DIPK2A: variants seen among roughly 807,000 people sequenced by gnomAD.
DIPK2A encodes the protein divergent protein kinase domain 2A.
In DIPK2A, 27 loss-of-function variants were observed where a neutral mutation model predicts 39.0. The observed-to-expected ratio is 0.69, with a 90% CI of 0.51 to 0.96. The LOEUF (loss-of-function observed/expected upper bound fraction) is 0.96, where lower values mean the gene tolerates loss of function less well. Among genes scored for constraint, DIPK2A ranks in the 40% least tolerant of loss-of-function variants. The probability of loss-of-function intolerance (pLI) is 0.00; values close to 1 mark genes in which losing one functional copy is unlikely to be tolerated. For missense variants in DIPK2A, 528 were observed against 571.3 expected (o/e 0.92, Z 0.77); for synonymous variants, 298 against 240.8 (o/e 1.24, Z -2.20).
rs778573390 is a variant in DIPK2A at position 143,973,162 on chromosome 3, G to A, written c.657+173G>A. On this transcript the variant is annotated intron_variant, in intron 1 of 2. Transcript: ENST00000315691. ...GGGAGCCCCGGGGCTGTGCAGGGAG[G>A]CCGAGGGCGACCCCGCTGATGGAGA... 7 of 1,071,832 alleles carry A rather than the reference G, an allele frequency of 6.5e-6. No individual in the cohort carries two copies. The South Asian group carries it at 9.5e-5, about 14-fold the overall frequency. The allele number at this position is 1,071,832 out of a possible 1,614,324, so 66.4% of individuals were successfully genotyped here.
intron 1 of DIPK2A, among the ~76,000 whole-genome samples, chr3:143,979,974 T>G (rs2087804359): frequency 6.6e-6 from 1 of 152,188 alleles, no homozygotes; most frequent in Admixed American, 6.5e-5. Flanking sequence ...GTTAAGCTTC[T>G]ACAGTATTTG....
Position 143,989,537 on chromosome 3 carries a change from A to G in DIPK2A, c.989A>G (p.Tyr330Cys). Residue 330 changes from tyrosine to cysteine, a missense_variant, in exon 3 of 3, where the codon TAT (tyrosine) becomes TGT (cysteine). Coordinates refer to ENST00000315691, the MANE Select transcript of DIPK2A (RefSeq NM_173552.5). ...AAACCTGAAAATTGGGATGTATGGT[A>G]TGAAAGCAAGTTTGATGACTGTGAT... ...QNKPENWDVWYESKFDDCDKE... is the reference protein window; with the variant it reads ...QNKPENWDVWCESKFDDCDKE... 2 of 1,613,648 alleles carry G rather than the reference A, an allele frequency of 1.2e-6. No individual in the cohort carries two copies. The highest frequency in any genetic ancestry group is 1.7e-6 in the Non-Finnish European group (2 of 1,179,564).
At chr3:143,977,720 T>G (rs955152571) in intron 1 of DIPK2A, among the ~76,000 whole-genome samples, 1 of 152,094 alleles carries the variant, frequency 6.6e-6, no homozygotes, top group African/African-American at 2.4e-5. Context: ...TTTTGTAAGT[T>G]TTTGAACTTT....
intron 1 of DIPK2A, among the ~76,000 whole-genome samples, chr3:143,976,248 A>C (rs904186600): frequency 2.6e-5 from 4 of 152,048 alleles, no homozygotes; most frequent in African/African-American, 9.7e-5. Context: ...AACATCAAGC[A>C]ACAAGATAAT....
chr3:143,973,090 T>G, intron 1 of DIPK2A, 101 bp downstream of exon 1: 1 of 1,424,598 alleles, frequency 7.0e-7, no homozygotes, highest in South Asian at 1.3e-5. Flanking sequence ...CAGTTCGGAC[T>G]CGGCCGGGCT....
chr3:143,973,995 C>T (rs980352911), intron 1 of DIPK2A, among the ~76,000 whole-genome samples: 3 of 152,088 alleles, frequency 2.0e-5, no homozygotes, highest in Admixed American at 6.6e-5. Flanking sequence ...CTCCTTCTGT[C>T]TGCAGGAAAA....
Position 143,989,904 on chromosome 3 carries a change from A to C in DIPK2A, c.*63A>C. 4 of 1,295,064 alleles carry C rather than the reference A, an allele frequency of 3.1e-6. No individual in the cohort carries two copies. Among genetic ancestry groups the C allele is most frequent in the Non-Finnish European group, 4.3e-6 (4 of 930,622 alleles). 80.2% of individuals were successfully genotyped at this position (1,295,064 alleles called of 1,614,324 possible). Reference sequence around the variant, plus strand: ...GCACTGGCTAAAACTAAACCACCAAAAAACGATCTGAAAAAATGAAATTTG... The same window carrying C: ...GCACTGGCTAAAACTAAACCACCAACAAACGATCTGAAAAAATGAAATTTG... On this transcript the variant is annotated 3_prime_UTR_variant, in exon 3 of 3. Coordinates refer to ENST00000315691, the MANE Select transcript of DIPK2A (RefSeq NM_173552.5).
At chr3:143,987,913 T>C (rs1376602852) in intron 2 of DIPK2A, among the ~76,000 whole-genome samples, 2 of 152,350 alleles carry the variant, frequency 1.3e-5, no homozygotes, top group East Asian at 3.9e-4. Context: ...TATCAACTTC[T>C]CGAAGTTGTT....
intron 1 of DIPK2A, among the ~76,000 whole-genome samples, chr3:143,979,214 A>G (rs1161083935): frequency 6.6e-6 from 1 of 152,144 alleles, no homozygotes; most frequent in Non-Finnish European, 1.5e-5. Flanking sequence ...TATTCAGGCT[A>G]TAGTTTTTTA....
intron 1 of DIPK2A, among the ~76,000 whole-genome samples, chr3:143,973,866 AAG>A (rs1177342230): frequency 6.6e-6 from 1 of 152,190 alleles, no homozygotes; most frequent in African/African-American, 2.4e-5. Flanking sequence ...TGACATCAAA[AAG>A]AGAACAAAAA....
intron 1 of DIPK2A, among the ~76,000 whole-genome samples, chr3:143,980,630 C>CT (rs35995293): frequency 9.1e-4 from 134 of 147,274 alleles, no homozygotes; most frequent in Middle Eastern, 3.6e-3. Flanking sequence ...CAAGCTTAAA[C>CT]TTTTTTTTTT....
chr3:143,973,408 T>G, intron 1 of DIPK2A: 1 of 1,550,080 alleles, frequency 6.5e-7, no homozygotes, highest in Non-Finnish European at 8.7e-7. Flanking sequence ...TGAAGTGTTC[T>G]ACACCGCGTT....
At position 143,990,437 on chromosome 3, in the gene DIPK2A, T is replaced by C. The variant is rs2087966899; in HGVS notation, c.*596T>C. 6.6e-6 allele frequency: 1 copy of C among 152,020 alleles called. No individual in the cohort carries two copies. The highest frequency in any genetic ancestry group is 2.1e-4 in the South Asian group (1 of 4,828). The allele number at this position is 152,020 out of a possible 1,614,324, so 9.4% of individuals were successfully genotyped here. ...CCCAGGTTTACTGTGTTTTTTTTTTTTTTTTTTAAAGAAAGCTAAATATTA... is the reference window on the plus strand; with the variant it reads ...CCCAGGTTTACTGTGTTTTTTTTTTCTTTTTTTAAAGAAAGCTAAATATTA... On this transcript the variant is annotated 3_prime_UTR_variant, in exon 3 of 3. Coordinates refer to ENST00000315691, the MANE Select transcript of DIPK2A (RefSeq NM_173552.5).
intron 1 of DIPK2A, among the ~76,000 whole-genome samples, chr3:143,976,584 G>A (rs2016797): frequency 0.11 from 15,958 of 139,428 alleles, 1,315 homozygotes; most frequent in East Asian, 0.24. Context: ...GAGAGAGAGA[G>A]ATGCTGTCTG....
At chr3:143,989,408 G>C (rs2087948331) in intron 2 of DIPK2A, 102 bp from the exon 3 acceptor site, 1 of 694,868 alleles carries the variant, frequency 1.4e-6, no homozygotes, top group Non-Finnish European at 2.4e-6. Context: ...TTACCTAAAA[G>C]TGTAGAACAA....
rs898131662 is a variant in DIPK2A at position 143,976,558 on chromosome 3, G to A, written c.657+3569G>A. Among the ~76,000 whole-genome samples the A allele has an allele frequency of 8.3e-5, 11 of 131,882 alleles. No individual in the cohort carries two copies. The South Asian group carries it at 2.6e-3, about 31-fold the overall frequency. The allele number at this position is 131,882 out of a possible 152,430, so 86.5% of individuals were successfully genotyped here. ...TGTGTGTGTGTGTGTGTGTGTGTGA[G>A]AGAGAGAGAGAGAGAGAGAGAGAGA... On this transcript the variant is annotated intron_variant, in intron 1 of 2. Transcript: ENST00000315691.
Position 143,972,793 on chromosome 3 carries a change from G to C in DIPK2A, c.461G>C (p.Arg154Pro). 1 of 1,567,318 alleles carries C rather than the reference G, an allele frequency of 6.4e-7. No homozygotes were observed. Among genetic ancestry groups the C allele is most frequent in the South Asian group, 1.2e-5 (1 of 86,692 alleles). The change falls in exon 1 of 3, where the codon CGT becomes CCT. Residue 154 changes from arginine to proline, a missense_variant. By Grantham distance (103) the Arg-to-Pro change is moderately radical (BLOSUM62 -2). Coordinates refer to ENST00000315691, the MANE Select transcript of DIPK2A (RefSeq NM_173552.5). Reference protein sequence around the residue: ...TEFARLNGDVRLLTPEAVEGW... With the variant: ...TEFARLNGDVPLLTPEAVEGW... ...TTCGCGCGCCTCAACGGCGACGTGC[G>C]TCTGCTCACGCCCGAGGCGGTGGAG... is the stretch of plus-strand genomic sequence containing the variant.
chr3:143,972,877 G>A lies in DIPK2A; in HGVS notation c.545G>A (p.Arg182His). The change falls in exon 1 of 3, where the codon CGC (arginine) becomes CAC (histidine). Residue 182 changes from arginine (R) to histidine (H), a missense_variant. Arg to His is a conservative substitution (Grantham distance 29). Around this residue, in one of 2 missense-constraint regions of DIPK2A, gnomAD observed 309 missense variants for 289.8 expected, o/e 1.07. Coordinates refer to ENST00000315691, the MANE Select transcript of DIPK2A (RefSeq NM_173552.5). ...CGCCTTCTCGACCGCCTGGTGCGCC[G>A]CTACGCGGAGACCAAGGACTCGGGC... ...SQRLLDRLVR[R>H]YAETKDSGSF... The A allele has an allele frequency of 6.3e-7, 1 of 1,576,984 alleles. No homozygotes were observed. Among genetic ancestry groups the A allele is most frequent in the Non-Finnish European group, 8.6e-7 (1 of 1,163,756 alleles).
intron 1 of DIPK2A, among the ~76,000 whole-genome samples, chr3:143,974,120 GTTTT>G: frequency 6.9e-6 from 1 of 145,442 alleles, no homozygotes; most frequent in Non-Finnish European, 1.5e-5. Flanking sequence ...GAGGTACAGG[GTTTT>G]TTTTTTTTTT....
Sources: allele counts gnomAD v4.1 joint callset (sites outside exome capture counted in the v4.1 genomes callset), GRCh38; gene constraint gnomAD v4.1.1; regional missense constraint gnomAD v4.1.1; transcripts MANE v1.5; gene names NCBI Gene and HGNC (gene_info 2026-07-23, HGNC 2026-07-21).